Variants in MTM1 observed in about 807,000 individuals in gnomAD.
MTM1 encodes the protein myotubularin 1, also known as myotubularin.
A neutral mutation model predicts 52.1 loss-of-function variants in MTM1; 9 were observed. That is an observed-to-expected ratio of 0.17 (90% CI 0.10 to 0.30). The LOEUF is 0.30. MTM1 is among the 10% of genes least tolerant of loss of function. The probability of loss-of-function intolerance (pLI) is 1.00; values close to 1 mark genes in which losing one functional copy is unlikely to be tolerated. For missense variants in MTM1, 277 were observed against 470.7 expected (o/e 0.59, Z 3.81); for synonymous variants, 136 against 163.8 (o/e 0.83, Z 1.29).
At chrX:150,617,311 T>A (rs2039402252) in intron 5 of MTM1, among the ~76,000 whole-genome samples, 1 of 112,061 alleles carries the variant, frequency 8.9e-6, no homozygotes, top group South Asian at 3.7e-4. Flanking sequence ...AGGAAGAAAG[T>A]TCCTCACAGG....
chrX:150,632,077 T>G (rs2039680875), intron 6 of MTM1, among the ~76,000 whole-genome samples: 1 of 111,977 alleles, frequency 8.9e-6, no homozygotes, highest in African/African-American at 3.3e-5. Context: ...GAATGCTACA[T>G]TATGGCTGTG....
intron 1 of MTM1, among the ~76,000 whole-genome samples, chrX:150,573,701 C>G (rs1362174790): frequency 9.0e-6 from 1 of 111,278 alleles, no homozygotes; most frequent in African/African-American, 3.3e-5. Flanking sequence ...CTTTAAATTC[C>G]CTTATATGAC....
chrX:150,583,362 T>A lies in MTM1; in HGVS notation c.-10-9243T>A, dbSNP rs868928533. 1.5e-3 allele frequency among the ~76,000 whole-genome samples: 42 copies of A among 27,149 alleles called. 2 individuals are homozygous for A. Among genetic ancestry groups the A allele is most frequent in the African/African-American group, 8.2e-3 (40 of 4,906 alleles). The allele number at this position is 27,149 out of a possible 115,157, so 23.6% of individuals were successfully genotyped here. A position where few individuals can be genotyped will look rare whatever the true frequency, so the allele number is the denominator to read the frequency against. The stretch of plus-strand genomic sequence containing the variant: ...TATTATATATAATTATAAATATATA[T>A]AAATTATATATATTATATATAATAT... On this transcript the variant is annotated intron_variant, in intron 1 of 14. Transcript: ENST00000370396.
At chrX:150,580,872 CA>C (rs1171189074) in intron 1 of MTM1, among the ~76,000 whole-genome samples, 5 of 111,952 alleles carry the variant, frequency 4.5e-5, no homozygotes, top group African/African-American at 1.6e-4. Flanking sequence ...CCTTCAAGGT[CA>C]ACCTGCTCTT....
At chrX:150,578,745 A>G (rs1430123998) in intron 1 of MTM1, among the ~76,000 whole-genome samples, 4 of 110,822 alleles carry the variant, frequency 3.6e-5, no homozygotes, top group East Asian at 5.7e-4. Context: ...CTGTATGTCT[A>G]TCCTTATACC....
rs782222093 is a variant in MTM1, at chrX:150,592,682, GT to G, written c.63+7del. On this transcript the variant is annotated splice_donor_region_variant and intron_variant, in intron 2 of 14. Transcript: ENST00000370396. ...GAGAATGAGTCTATTAAGAGGGTAA[GT>G]TGAATTTTCAGATTTATCTGTCTCT... 1.4e-4 allele frequency: 160 copies of G among 1,122,215 alleles called. No individual in the cohort carries two copies. The highest frequency in any genetic ancestry group is 1.9e-4 in the Non-Finnish European group (156 of 816,170). The allele number at this position is 1,122,215 out of a possible 1,213,427, so 92.5% of individuals were successfully genotyped here.
chrX:150,584,514 A>G (rs918149812), intron 1 of MTM1, among the ~76,000 whole-genome samples: 22 of 111,291 alleles, frequency 2.0e-4, no homozygotes, highest in Non-Finnish European at 4.1e-4. Flanking sequence ...AAGTCATGAA[A>G]GTTTATGAGG....
intron 10 of MTM1, among the ~76,000 whole-genome samples, chrX:150,652,654 T>TACACACAC (rs1362808073): frequency 1.8e-3 from 79 of 44,676 alleles, no homozygotes; most frequent in African/African-American, 6.5e-3. Flanking sequence ...TGTGTATATA[T>TACACACAC]ATATACACAC....
At chrX:150,670,183 C>CTG (rs1183505125) in intron 14 of MTM1, among the ~76,000 whole-genome samples, 1 of 112,383 alleles carries the variant, frequency 8.9e-6, no homozygotes, top group African/African-American at 3.2e-5. Context: ...AGATTTTGCA[C>CTG]TGTGTGTGGT....
intron 1 of MTM1, among the ~76,000 whole-genome samples, chrX:150,576,902 T>C (rs1557411665): frequency 8.9e-6 from 1 of 112,427 alleles, no homozygotes; most frequent in Admixed American, 9.5e-5. Flanking sequence ...ATATTTTCTA[T>C]TATGATTATT....
chrX:150,657,549 A>C (rs1285207961), intron 10 of MTM1, among the ~76,000 whole-genome samples: 1 of 109,345 alleles, frequency 9.1e-6, no homozygotes, highest in African/African-American at 3.3e-5. Flanking sequence ...GCACACCAAC[A>C]TGGCACATGT....
intron 4 of MTM1, among the ~76,000 whole-genome samples, chrX:150,611,762 C>T (rs782347854): frequency 6.9e-4 from 78 of 112,319 alleles, no homozygotes; most frequent in African/African-American, 2.5e-3. Flanking sequence ...CACAAAAGAA[C>T]TCGCTCGTGC....
chrX:150,646,670 T>C (rs1471947673), intron 9 of MTM1, among the ~76,000 whole-genome samples: 1 of 113,047 alleles, frequency 8.8e-6, no homozygotes, highest in Non-Finnish European at 1.9e-5. Context: ...CTCACTCCCA[T>C]TCCAGCTTTC....
chrX:150,665,297 G>C (rs2040287267), intron 14 of MTM1, among the ~76,000 whole-genome samples: 2 of 112,379 alleles, frequency 1.8e-5, no homozygotes, highest in African/African-American at 6.5e-5. Flanking sequence ...CTAGGGGGAT[G>C]CAGAGATTAA....
At chrX:150,598,768 G>T in intron 4 of MTM1, 82 bp downstream of exon 4, 1 of 677,410 alleles carries the variant, frequency 1.5e-6, no homozygotes, top group South Asian at 2.6e-5. Flanking sequence ...TTGCAAGATT[G>T]ACTGTGGGTC....
chrX:150,583,619 T>A (rs1293578907), intron 1 of MTM1, among the ~76,000 whole-genome samples: 15 of 34,533 alleles, frequency 4.3e-4, no homozygotes, highest in South Asian at 3.9e-3. Flanking sequence ...TTTATATATA[T>A]TATATATAAT....
intron 6 of MTM1, 137 bp from the exon 7 acceptor site, chrX:150,638,806 G>A: frequency 2.1e-6 from 1 of 476,211 alleles, no homozygotes; most frequent in Non-Finnish European, 3.7e-6. Context: ...TGTTGTTGTT[G>A]TTATAAGCCT....
chrX:150,580,515 T>C (rs2038561404), intron 1 of MTM1, among the ~76,000 whole-genome samples: 1 of 110,961 alleles, frequency 9.0e-6, no homozygotes, highest in Admixed American at 9.6e-5. Flanking sequence ...CTTCTTCATC[T>C]TGCCTTTTTT....
intron 1 of MTM1, among the ~76,000 whole-genome samples, chrX:150,583,248 T>A (rs1310824323): frequency 2.8e-4 from 18 of 65,234 alleles, no homozygotes; most frequent in East Asian, 1.5e-3. Flanking sequence ...AATTATAAAT[T>A]TATATAATTT....
Sources: gnomAD v4.1 joint callset for allele counts (sites outside exome capture counted in the v4.1 genomes callset) on GRCh38, gnomAD v4.1.1 for gene constraint, MANE v1.5 for transcripts, NCBI Gene and HGNC (gene_info 2026-07-23, HGNC 2026-07-21) for gene names.